Variants in LEPR observed in about 807,000 individuals in gnomAD.
The protein encoded by LEPR is leptin receptor.
A neutral mutation model predicts 114.7 loss-of-function variants in LEPR; 56 were observed. That is an observed-to-expected ratio of 0.49 (90% CI 0.39 to 0.61). The LOEUF is 0.61. Among genes scored for constraint, LEPR ranks in the 20% least tolerant of loss-of-function variants. LEPR has a pLI of 0.00. For missense variants in LEPR, 1,202 were observed against 1,352.9 expected (o/e 0.89, Z 1.75); for synonymous variants, 443 against 461.4 (o/e 0.96, Z 0.51).
intron 2 of LEPR, among the ~76,000 whole-genome samples, chr1:65,468,531 G>A (rs910866775): frequency 6.6e-6 from 1 of 152,108 alleles, no homozygotes; most frequent in African/African-American, 2.4e-5. Context: ...TTGTAACCTT[G>A]GAAAAAAGAG....
intron 2 of LEPR, among the ~76,000 whole-genome samples, chr1:65,456,677 T>G (rs918736419): frequency 2.0e-5 from 3 of 152,248 alleles, no homozygotes; most frequent in African/African-American, 7.2e-5. Flanking sequence ...TTTATCCATT[T>G]GTTTTTAATC....
intron 2 of LEPR, among the ~76,000 whole-genome samples, chr1:65,450,611 AT>A (rs1247654266): frequency 9.1e-4 from 117 of 128,580 alleles, no homozygotes; most frequent in African/African-American, 3.4e-3. Context: ...TGAACTCATC[AT>A]TTTTTATGGC....
intron 2 of LEPR, among the ~76,000 whole-genome samples, chr1:65,492,302 TG>T (rs1298882059): frequency 6.6e-6 from 1 of 152,138 alleles, no homozygotes; most frequent in African/African-American, 2.4e-5. Flanking sequence ...ATTTTTTGTT[TG>T]TTTTTAATTT....
intron 3 of LEPR, among the ~76,000 whole-genome samples, chr1:65,569,952 T>C (rs1570718386): frequency 1.0e-5 from 1 of 95,588 alleles, no homozygotes. Context: ...CATCAAGCCA[T>C]CATCATGTTG....
chr1:65,607,765 A>C (rs1656907647), intron 11 of LEPR, among the ~76,000 whole-genome samples: 1 of 152,208 alleles, frequency 6.6e-6, no homozygotes, highest in Non-Finnish European at 1.5e-5. Flanking sequence ...ATTGGCCCTC[A>C]AAGTTAAAAA....
Position 65,603,458 on chromosome 1 carries a change from C to A in LEPR, c.1403+1498C>A, listed in dbSNP as rs537767950. ...CAGAAGAATATAGATTTTTTAGCTT[C>A]TTCTAACTTCCTCACTCCCATCTCT... On this transcript the variant is annotated intron_variant, in intron 10 of 19. Transcript: ENST00000349533. 3.9e-5 allele frequency among the ~76,000 whole-genome samples: 6 copies of A among 152,236 alleles called. No homozygotes were observed. In the South Asian group the frequency reaches 1.2e-3, roughly 32 times the overall value.
chr1:65,592,970 A>G, intron 6 of LEPR, 105 bp downstream of exon 6: 2 of 1,276,970 alleles, frequency 1.6e-6, no homozygotes, highest in Non-Finnish European at 2.2e-6. Flanking sequence ...ACTTTGCTTA[A>G]CACTGTAATG....
intron 2 of LEPR, among the ~76,000 whole-genome samples, chr1:65,488,210 T>TTCTTTCTTTCTTTCTCTCTC (rs1557620199): frequency 3.9e-5 from 1 of 25,858 alleles, no homozygotes; most frequent in Non-Finnish European, 7.5e-5. Flanking sequence ...CTTTCTTTCT[T>TTCTTTCTTTCTTTCTCTCTC]TCTCTCTCTC....
intron 2 of LEPR, among the ~76,000 whole-genome samples, chr1:65,490,272 C>A (rs1647795255): frequency 6.6e-6 from 1 of 152,024 alleles, no homozygotes; most frequent in Non-Finnish European, 1.5e-5. Context: ...CTGTAAAAAA[C>A]AGCTTGCAAA....
At chr1:65,620,257 C>T (rs889913800) in intron 17 of LEPR, among the ~76,000 whole-genome samples, 40 of 152,012 alleles carry the variant, frequency 2.6e-4, no homozygotes, top group African/African-American at 9.4e-4. Context: ...TCTTACTGTA[C>T]TTGGAATACC....
chr1:65,547,971 T>C (rs988012091), intron 2 of LEPR, among the ~76,000 whole-genome samples: 7 of 151,610 alleles, frequency 4.6e-5, no homozygotes, highest in African/African-American at 1.7e-4. Flanking sequence ...CTCTACACAC[T>C]GCTTTGAATG....
intron 11 of LEPR, among the ~76,000 whole-genome samples, chr1:65,607,330 G>A (rs544561696): frequency 8.8e-4 from 134 of 152,268 alleles, no homozygotes; most frequent in African/African-American, 3.2e-3. Flanking sequence ...TCCACTGGCA[G>A]GGGTGACTGT....
intron 2 of LEPR, among the ~76,000 whole-genome samples, chr1:65,452,748 G>A (rs1455549907): frequency 1.3e-4 from 20 of 149,204 alleles, no homozygotes; most frequent in African/African-American, 3.7e-4. Context: ...CTCTTTTTTT[G>A]TTGTGTCTCT....
At position 65,637,397 on chromosome 1, in the gene LEPR, G is replaced by T; in HGVS notation, c.*382G>T. The T allele has an allele frequency of 5.6e-6, 1 of 178,208 alleles. No homozygotes were observed. The allele number at this position is 178,208 out of a possible 1,614,324, so 11.0% of individuals were successfully genotyped here. A position where few individuals can be genotyped will look rare whatever the true frequency, so the allele number is the denominator to read the frequency against. On this transcript the variant is annotated 3_prime_UTR_variant, in exon 20 of 20. Transcript: ENST00000349533. ...ACACACATTCTTAACACATGTCCTT[G>T]TGTGTTTTGAGAGTATATTATGTAT... is the stretch of plus-strand genomic sequence containing the variant.
At chr1:65,570,380 T>C in intron 3 of LEPR, 93 bp from the exon 4 acceptor site, 1 of 1,204,446 alleles carries the variant, frequency 8.3e-7, no homozygotes, top group East Asian at 2.5e-5. Flanking sequence ...AAATAATTAT[T>C]GAGCACTACA....
intron 5 of LEPR, 65 bp downstream of exon 5, chr1:65,572,514 C>T (rs746229164): frequency 2.2e-5 from 32 of 1,447,382 alleles, no homozygotes; most frequent in Non-Finnish European, 2.7e-5. Flanking sequence ...CTTTCATATA[C>T]GGAAGTAGAT....
chr1:65,446,291 C>T (rs1186239470), intron 2 of LEPR, among the ~76,000 whole-genome samples: 1 of 152,192 alleles, frequency 6.6e-6, no homozygotes, highest in Admixed American at 6.5e-5. Flanking sequence ...TAAATTTTAG[C>T]CATTCTAATA....
At chr1:65,572,872 T>C (rs1234392697) in intron 5 of LEPR, among the ~76,000 whole-genome samples, 1 of 152,238 alleles carries the variant, frequency 6.6e-6, no homozygotes. Flanking sequence ...TCTCTCACTG[T>C]CTGCTCTGTT....
intron 2 of LEPR, chr1:65,433,702 T>A: frequency 1.1e-6 from 1 of 950,482 alleles, no homozygotes; most frequent in Non-Finnish European, 1.3e-6. Context: ...TTTCCAATAT[T>A]TATATTAGAA....
Sources: allele counts gnomAD v4.1 joint callset (sites outside exome capture counted in the v4.1 genomes callset), GRCh38; gene constraint gnomAD v4.1.1; transcripts MANE v1.5; gene names NCBI Gene and HGNC (gene_info 2026-07-23, HGNC 2026-07-21).